Variants in MED19 observed in about 807,000 individuals in gnomAD.
MED19 encodes mediator complex subunit 19, also known as mediator of RNA polymerase II transcription subunit 19.
Under a neutral mutation model 19.9 loss-of-function variants are expected in MED19, and 4 were observed. That is an observed-to-expected ratio of 0.20 (90% CI 0.10 to 0.46). The LOEUF (loss-of-function observed/expected upper bound fraction) is 0.46. Ranked by LOEUF, MED19 falls within the 20% of genes least tolerant of loss-of-function variation. The pLI is 0.99. For synonymous variants in MED19, 139 were observed against 119.6 expected (o/e 1.16, Z -1.06); for missense variants, 303 against 318.7 (o/e 0.95, Z 0.38).
At chr11:57,711,191 G>A (rs1946585844) in intron 1 of MED19, among the ~76,000 whole-genome samples, 1 of 152,174 alleles carries the variant, frequency 6.6e-6, no homozygotes, top group South Asian at 2.1e-4. Flanking sequence ...TGAAGAGTTT[G>A]GTTCGATTCT....
exon 3 of MED19, chr11:57,704,778 G>C: frequency 6.2e-7 from 1 of 1,611,378 alleles, no homozygotes; most frequent in Non-Finnish European, 8.5e-7. Flanking sequence ...CTTCTTCTTG[G>C]GAGGCTGAAT....
chr11:57,704,321 T>C (rs1268546882), exon 4 of MED19: 3 of 1,535,050 alleles, frequency 2.0e-6, no homozygotes, highest in Admixed American at 3.9e-5. Context: ...CTTCTTCTCT[T>C]TCTTCTTCCT....
chr11:57,704,120 A>C lies in MED19; in HGVS notation c.667-14T>G, dbSNP rs955504162. On this transcript the variant is annotated splice_polypyrimidine_tract_variant and intron_variant, in intron 4 of 4. Coordinates refer to ENST00000431606, the Ensembl canonical transcript of MED19. ...ACTATGTCGATTCTGGGGGAGAAAG[A>C]AGCAGGGTAAGAACAACTAGGAACT... 3.9e-6 allele frequency: 6 copies of C among 1,536,044 alleles called. No individual in the cohort carries two copies. Among genetic ancestry groups the C allele is most frequent in the Non-Finnish European group, 5.2e-6 (6 of 1,146,916 alleles).
At chr11:57,707,096 G>A (rs551077575) in intron 1 of MED19, among the ~76,000 whole-genome samples, 10 of 151,940 alleles carry the variant, frequency 6.6e-5, no homozygotes, top group African/African-American at 2.2e-4. Context: ...TACTTGGGAG[G>A]CTGAGGCAGA....
intron 1 of MED19, among the ~76,000 whole-genome samples, chr11:57,711,629 C>T (rs11229101): frequency 0.025 from 3,767 of 152,294 alleles, 164 homozygotes; most frequent in African/African-American, 0.086. Context: ...GTTGGGATTA[C>T]AGGCGTGAGC....
intron 1 of MED19, 134 bp from the exon 2 acceptor site, chr11:57,705,363 CAGA>C: frequency 9.2e-7 from 1 of 1,087,232 alleles, no homozygotes; most frequent in Non-Finnish European, 1.3e-6. Context: ...TTTAAAGAAA[CAGA>C]GCAGGCCGGA....
chr11:57,710,388 C>G (rs1266067891), intron 1 of MED19, among the ~76,000 whole-genome samples: 2 of 152,158 alleles, frequency 1.3e-5, no homozygotes, highest in African/African-American at 4.8e-5. Context: ...AAATGGCTTC[C>G]TTTTGTATTT....
exon 2 of MED19, chr11:57,705,123 G>A: frequency 6.2e-7 from 1 of 1,614,154 alleles, no homozygotes. Flanking sequence ...GGTCAGGCAG[G>A]AAGTTACTTA....
Position 57,712,035 on chromosome 11 carries a change from C to A in MED19, c.145G>T (p.Ala49Ser), listed in dbSNP as rs199862897. ...TTGTCCGCGCCAGGAGGAGCCGTGG[C>A]CGCGGTGGGAGGCGGGGCCGTGCCG... The change falls in exon 1 of 5, where the codon GCC (alanine) becomes TCC (serine). Residue 49 changes from alanine (A) to serine (S), a missense_variant. Coordinates refer to ENST00000431606, the Ensembl canonical transcript of MED19. The A allele has an allele frequency of 3.5e-3, 5,392 of 1,536,674 alleles. 12 individuals carry two copies. Among genetic ancestry groups the A allele is most frequent in the Non-Finnish European group, 4.3e-3 (4,910 of 1,139,268 alleles).
rs991417643 is a variant in MED19 at position 57,711,815 on chromosome 11, A to G, written c.217+148T>C. On this transcript the variant is annotated intron_variant, in intron 1 of 4. Coordinates refer to ENST00000431606, the Ensembl canonical transcript of MED19. ...ATTCAAGTCATCCCTCTGCTTGTGA[A>G]TCCTAACAGCGCTTCCGACTTAGGG... The G allele has an allele frequency of 4.9e-6, 4 of 820,422 alleles. No homozygotes were observed. In the African/African-American group the frequency reaches 7.2e-5, roughly 15 times the overall value. The allele number at this position is 820,422 out of a possible 1,614,324, so 50.8% of individuals were successfully genotyped here.
intron 1 of MED19, among the ~76,000 whole-genome samples, chr11:57,708,136 A>AT (rs1006178812): frequency 3.3e-5 from 5 of 151,150 alleles, no homozygotes; most frequent in Non-Finnish European, 7.4e-5. Flanking sequence ...GCCCAACAAG[A>AT]TAAAAAAAAA....
chr11:57,712,194 CG>C lies in MED19; in HGVS notation c.-16del, dbSNP rs547871312. ...AAATTCTCCATCGTACCCTCCGCCCCGGCGCTGTCTCCGTGTCTGCCGTTGG... is the reference window on the plus strand; with the variant it reads ...AAATTCTCCATCGTACCCTCCGCCCCGCGCTGTCTCCGTGTCTGCCGTTGG... On this transcript the variant is annotated 5_prime_UTR_variant, in exon 1 of 5. Transcript: ENST00000431606. 9,453 of 1,508,902 alleles carry C rather than the reference CG, an allele frequency of 6.3e-3. 43 individuals are homozygous for C. The highest frequency in any genetic ancestry group is 6.9e-3 in the Non-Finnish European group (7,739 of 1,129,022). 93.5% of individuals were successfully genotyped at this position (1,508,902 alleles called of 1,614,324 possible).
At chr11:57,704,636 C>T (rs1345685759) in intron 3 of MED19, 83 bp downstream of exon 3, 2 of 1,523,982 alleles carry the variant, frequency 1.3e-6, no homozygotes, top group African/African-American at 2.8e-5. Context: ...CTGGGTTTAC[C>T]TATGGAAGTT....
chr11:57,704,078 A>C, exon 5 of MED19: 1 of 1,536,176 alleles, frequency 6.5e-7, no homozygotes, highest in Non-Finnish European at 8.7e-7. Context: ...GGAGCTGCCC[A>C]TACCTGGGTG....
At chr11:57,703,859 C>CAA (rs1590877530) in exon 5 of MED19, 2 of 951,296 alleles carry the variant, frequency 2.1e-6, no homozygotes, top group East Asian at 2.8e-5. Flanking sequence ...GATGAGCCTA[C>CAA]AAAAGCATGT....
intron 1 of MED19, among the ~76,000 whole-genome samples, chr11:57,709,830 G>C (rs2135418717): frequency 6.6e-6 from 1 of 152,276 alleles, no homozygotes; most frequent in African/African-American, 2.4e-5. Flanking sequence ...CAAAGTGCTG[G>C]GATTACTGGC....
exon 5 of MED19, chr11:57,704,012 T>C: frequency 3.9e-6 from 6 of 1,535,712 alleles, no homozygotes; most frequent in Non-Finnish European, 5.2e-6. Context: ...GGAAAAGCCA[T>C]CCTGGCAAAG....
intron 1 of MED19, among the ~76,000 whole-genome samples, chr11:57,705,951 A>G (rs1293255856): frequency 6.6e-6 from 1 of 151,968 alleles, no homozygotes; most frequent in East Asian, 1.9e-4. Flanking sequence ...AACCATGCTC[A>G]GGGGGCCAAA....
intron 4 of MED19, 43 bp downstream of exon 4, chr11:57,704,259 C>T: frequency 6.5e-7 from 1 of 1,529,844 alleles, no homozygotes; most frequent in South Asian, 1.2e-5. Flanking sequence ...GGGGTGAGAT[C>T]TGGGGAAACT....
Sources: allele counts gnomAD v4.1 joint callset (sites outside exome capture counted in the v4.1 genomes callset), GRCh38; gene constraint gnomAD v4.1.1; transcripts MANE v1.5; gene names NCBI Gene and HGNC (gene_info 2026-07-23, HGNC 2026-07-21).